DNAAF4: variants seen among roughly 807,000 people sequenced by gnomAD.
DNAAF4 encodes the protein dynein assembly factor 4, axonemal.
Under a neutral mutation model 51.8 loss-of-function variants are expected in DNAAF4, and 43 were observed. The observed-to-expected ratio is 0.83, with a 90% confidence interval of 0.65 to 1.07. The LOEUF is 1.07. Among genes scored for constraint, DNAAF4 ranks in the 50% least tolerant of loss-of-function variants. DNAAF4 has a pLI of 0.00. For missense variants in DNAAF4, 581 were observed against 493.0 expected (o/e 1.18, Z -1.69); for synonymous variants, 194 against 165.6 (o/e 1.17, Z -1.32).
chr15:55,492,389 T>C (rs1359231512), intron 3 of DNAAF4, among the ~76,000 whole-genome samples: 1 of 151,980 alleles, frequency 6.6e-6, no homozygotes, highest in Non-Finnish European at 1.5e-5. Flanking sequence ...CATGGGTTCT[T>C]AACCTTTTTT....
intron 7 of DNAAF4, among the ~76,000 whole-genome samples, chr15:55,438,188 T>A (rs1039308780): frequency 2.0e-5 from 3 of 151,728 alleles, no homozygotes; most frequent in African/African-American, 7.3e-5. Flanking sequence ...CTGGCCAACA[T>A]GGTGAAACAA....
downstream of DNAAF4, among the ~76,000 whole-genome samples, chr15:55,428,393 C>T (rs1462815356): frequency 2.0e-5 from 3 of 151,378 alleles, no homozygotes; most frequent in Non-Finnish European, 2.9e-5. Flanking sequence ...AAAGTTAGTT[C>T]AGCCTACACC....
intron 4 of DNAAF4, among the ~76,000 whole-genome samples, chr15:55,480,369 G>A (rs894363398): frequency 4.6e-5 from 7 of 152,026 alleles, no homozygotes; most frequent in African/African-American, 1.7e-4. Flanking sequence ...CCTTTAACCA[G>A]GGCCACTGTA....
chr15:55,491,707 CTAT>C (rs946164976), intron 3 of DNAAF4, among the ~76,000 whole-genome samples: 28 of 134,110 alleles, frequency 2.1e-4, no homozygotes, highest in South Asian at 2.0e-3. Flanking sequence ...ATATTATATA[CTAT>C]TATTATATAA....
intron 5 of DNAAF4, among the ~76,000 whole-genome samples, chr15:55,456,925 C>T (rs765792868): frequency 5.3e-5 from 8 of 152,132 alleles, no homozygotes; most frequent in Non-Finnish European, 1.2e-4. Flanking sequence ...TCCTTGGAGA[C>T]GGGAAGGCAG....
intron 6 of DNAAF4, among the ~76,000 whole-genome samples, chr15:55,445,804 G>A (rs2057792475): frequency 7.1e-6 from 1 of 141,616 alleles, no homozygotes; most frequent in Non-Finnish European, 1.5e-5. Context: ...CCGCTTCCCA[G>A]ATGGGGTGGC....
At chr15:55,461,373 G>A (rs1180715790) in intron 5 of DNAAF4, among the ~76,000 whole-genome samples, 1 of 152,028 alleles carries the variant, frequency 6.6e-6, no homozygotes, top group South Asian at 2.1e-4. Context: ...TGAGATTACA[G>A]GTGTGAGCCA....
intron 7 of DNAAF4, among the ~76,000 whole-genome samples, chr15:55,435,588 T>G (rs2057594652): frequency 6.6e-6 from 1 of 152,180 alleles, no homozygotes; most frequent in Admixed American, 6.6e-5. Flanking sequence ...AGCTGCTGGA[T>G]CAAGCTTTAC....
chr15:55,469,277 C>T (rs1015041063), intron 4 of DNAAF4, among the ~76,000 whole-genome samples: 1 of 151,022 alleles, frequency 6.6e-6, no homozygotes, highest in Admixed American at 6.6e-5. Context: ...TTGCAGTGAG[C>T]CGAGATAAAG....
chr15:55,491,394 T>C (rs1595952582), intron 3 of DNAAF4, 138 bp from the exon 4 acceptor site: 8 of 863,910 alleles, frequency 9.3e-6, no homozygotes, highest in Non-Finnish European at 1.4e-5. Flanking sequence ...TATTTTTCAA[T>C]ATTAAACTGG....
intron 4 of DNAAF4, among the ~76,000 whole-genome samples, chr15:55,473,808 T>C (rs373949488): frequency 1.3e-5 from 2 of 151,810 alleles, no homozygotes; most frequent in Non-Finnish European, 2.9e-5. Context: ...CTGGCCAACA[T>C]GGCAAAACCC....
At chr15:55,445,914 CCCAGACGGGGCGGCCGAGCAGAGGCG>C (rs2057795788) in intron 6 of DNAAF4, among the ~76,000 whole-genome samples, 2 of 143,694 alleles carry the variant, frequency 1.4e-5, no homozygotes, top group African/African-American at 5.2e-5. Flanking sequence ...CTCCTCACCT[CCCAGACGGGGCGGCCGAGCAGAGGCG>C]CTCCTCACCT....
chr15:55,490,966 A>AC (rs995597175), intron 4 of DNAAF4, 157 bp downstream of exon 4: 16 of 796,982 alleles, frequency 2.0e-5, no homozygotes, highest in East Asian at 1.1e-4. Flanking sequence ...GAAAAAAAAA[A>AC]ACACACATAT....
intron 6 of DNAAF4, chr15:55,442,574 G>C (rs1351664694): frequency 1.8e-6 from 2 of 1,118,652 alleles, no homozygotes; most frequent in Non-Finnish European, 2.7e-6. Context: ...CAGAGTATTC[G>C]GGGGACAACT....
chr15:55,460,183 A>AT (rs372643539), intron 5 of DNAAF4, among the ~76,000 whole-genome samples: 27,124 of 144,938 alleles, frequency 0.19, 3,314 homozygotes, highest in South Asian at 0.27. Context: ...TTACTTATTT[A>AT]TTTATTTTTT....
chr15:55,452,929 G>A (rs1045546775), intron 5 of DNAAF4, among the ~76,000 whole-genome samples: 11 of 152,108 alleles, frequency 7.2e-5, no homozygotes, highest in African/African-American at 2.2e-4. Context: ...GGGTTCAAGC[G>A]ATTCTCCTGC....
intron 4 of DNAAF4, among the ~76,000 whole-genome samples, chr15:55,473,196 A>AAAAAATAT: frequency 1.8e-5 from 1 of 56,948 alleles, no homozygotes; most frequent in East Asian, 4.4e-4. Flanking sequence ...CTAAAAAAAA[A>AAAAAATAT]AAATATATAT....
chr15:55,483,995 T>C (rs922746728), intron 4 of DNAAF4, among the ~76,000 whole-genome samples: 21 of 151,470 alleles, frequency 1.4e-4, no homozygotes, highest in Non-Finnish European at 1.5e-5. Flanking sequence ...AGAGATATAG[T>C]TCAAATTAAA....
intron 4 of DNAAF4, among the ~76,000 whole-genome samples, chr15:55,489,401 C>T (rs776972157): frequency 1.2e-4 from 19 of 152,094 alleles, no homozygotes; most frequent in Non-Finnish European, 2.5e-4. Flanking sequence ...TGGCTCAGTG[C>T]GGTGACTCAT....
Sources: gnomAD v4.1 joint callset for allele counts (sites outside exome capture counted in the v4.1 genomes callset) on GRCh38, gnomAD v4.1.1 for gene constraint, MANE v1.5 for transcripts, NCBI Gene and HGNC (gene_info 2026-07-23, HGNC 2026-07-21) for gene names.